RC3H1: variants seen among roughly 807,000 people sequenced by gnomAD.
The protein encoded by RC3H1 is ring finger and CCCH-type domains 1.
In RC3H1, 50 loss-of-function variants were observed where a neutral mutation model predicts 138.2. The ratio of observed to expected loss-of-function variants is 0.36; its 90% CI spans 0.29 to 0.46. The LOEUF (loss-of-function observed/expected upper bound fraction) is 0.46. Ranked by LOEUF, RC3H1 falls within the 20% of genes least tolerant of loss-of-function variation. The pLI is 1.00. For missense variants in RC3H1, 1,031 were observed against 1,388.1 expected (o/e 0.74, Z 4.09); for synonymous variants, 462 against 489.1 (o/e 0.94, Z 0.73).
chr1:173,997,939 T>C (rs1661495227), intron 1 of RC3H1, among the ~76,000 whole-genome samples: 1 of 152,142 alleles, frequency 6.6e-6, no homozygotes, highest in Non-Finnish European at 1.5e-5. Context: ...TCTAAACGCA[T>C]TCTTCCAAAC....
intron 11 of RC3H1, 152 bp from the exon 12 acceptor site, chr1:173,962,247 C>T: frequency 1.2e-6 from 1 of 813,690 alleles, no homozygotes; most frequent in Admixed American, 3.0e-5. Flanking sequence ...ATCAGGTTAG[C>T]TTTTTAAAAA....
At chr1:173,990,135 T>A (rs1343071817) in intron 2 of RC3H1, among the ~76,000 whole-genome samples, 1 of 151,702 alleles carries the variant, frequency 6.6e-6, no homozygotes, top group Non-Finnish European at 1.5e-5. Flanking sequence ...TGGAGTGCAG[T>A]GGTGTGATTT....
rs536949427 is a variant in RC3H1, at chr1:173,936,400, G to C, written c.*2321C>G. The C allele has an allele frequency of 2.0e-5, 3 of 150,528 alleles. No homozygotes were observed. The highest frequency in any genetic ancestry group is 2.1e-4 in the South Asian group (1 of 4,744). The allele number at this position is 150,528 out of a possible 1,614,324, so 9.3% of individuals were successfully genotyped here. A position where few individuals can be genotyped will look rare whatever the true frequency, so the allele number is the denominator to read the frequency against. On this transcript the variant is annotated 3_prime_UTR_variant, in exon 20 of 20. Transcript: ENST00000367696. ...GTGGTGGCGCGTGCCTGTAGTCCCA[G>C]CTACTCAGGAGGCTGAGGCAGGAGA...
At chr1:173,999,785 C>G (rs1379176435) in intron 1 of RC3H1, among the ~76,000 whole-genome samples, 1 of 152,198 alleles carries the variant, frequency 6.6e-6, no homozygotes, top group Admixed American at 6.5e-5. Flanking sequence ...GGATATTATA[C>G]TTTCAGTGCT....
chr1:173,972,485 C>CT (rs1186679743), intron 8 of RC3H1, 24 bp downstream of exon 8: 1 of 1,558,358 alleles, frequency 6.4e-7, no homozygotes, highest in Non-Finnish European at 8.9e-7. Context: ...TGGGTTAACT[C>CT]TAAGTTTTAA....
intron 1 of RC3H1, among the ~76,000 whole-genome samples, chr1:174,010,232 T>A (rs1661725437): frequency 6.6e-6 from 1 of 152,166 alleles, no homozygotes; most frequent in African/African-American, 2.4e-5. Context: ...TTACCTCTTG[T>A]ATCTATAATT....
At chr1:173,983,081 A>G (rs1660887178) in intron 4 of RC3H1, 179 bp from the exon 5 acceptor site, 1 of 507,184 alleles carries the variant, frequency 2.0e-6, no homozygotes, top group South Asian at 3.7e-5. Flanking sequence ...TACATTCTAT[A>G]TATTTTATAA....
intron 1 of RC3H1, among the ~76,000 whole-genome samples, chr1:174,003,260 G>T (rs893888632): frequency 1.3e-5 from 2 of 151,948 alleles, no homozygotes. Context: ...GGTGGTGGGC[G>T]CTTGTAATCC....
chr1:173,971,044 T>C (rs1660336938), intron 8 of RC3H1, among the ~76,000 whole-genome samples: 3 of 150,496 alleles, frequency 2.0e-5, no homozygotes, highest in Non-Finnish European at 4.4e-5. Context: ...TCACTGCAAC[T>C]TCCACCTCCC....
intron 18 of RC3H1, 82 bp downstream of exon 18, chr1:173,943,360 G>T (rs188518081): frequency 1.1e-4 from 150 of 1,398,238 alleles, no homozygotes; most frequent in Non-Finnish European, 1.2e-4. Context: ...TTGAAGTGAT[G>T]ATTCTGTGCC....
At chr1:174,011,006 C>T (rs1206058150) in intron 1 of RC3H1, among the ~76,000 whole-genome samples, 1 of 152,052 alleles carries the variant, frequency 6.6e-6, no homozygotes, top group Non-Finnish European at 1.5e-5. Flanking sequence ...TTTATGGATG[C>T]CTTTGTAAGA....
intron 7 of RC3H1, among the ~76,000 whole-genome samples, chr1:173,975,662 G>A (rs1413639681): frequency 1.6e-5 from 1 of 60,664 alleles, no homozygotes; most frequent in Non-Finnish European, 2.6e-5. Context: ...ACTTTGGGAG[G>A]CCGAGGCGGG....
intron 19 of RC3H1, 151 bp downstream of exon 19, chr1:173,941,114 C>T (rs186935884): frequency 3.3e-5 from 20 of 598,732 alleles, no homozygotes; most frequent in Admixed American, 1.9e-4. Context: ...CCACTGCGCC[C>T]GGCCGCAAAA....
At chr1:173,976,923 CTTTT>C (rs542743644) in intron 7 of RC3H1, among the ~76,000 whole-genome samples, 7 of 132,498 alleles carry the variant, frequency 5.3e-5, no homozygotes, top group Admixed American at 3.0e-4. Context: ...GATGTGATTT[CTTTT>C]TTTTTTTTTT....
chr1:173,934,212 A>G lies in RC3H1; in HGVS notation c.*4509T>C, dbSNP rs1395132507. 3 of 152,020 alleles carry G rather than the reference A, an allele frequency of 2.0e-5. No homozygotes were observed. The highest frequency in any genetic ancestry group is 4.4e-5 in the Non-Finnish European group (3 of 67,976). 9.4% of individuals were successfully genotyped at this position (152,020 alleles called of 1,614,324 possible). A position where few individuals can be genotyped will look rare whatever the true frequency, so the allele number is the denominator to read the frequency against. ...TTTACTGAGACGAATCCTTTTTTTTAGTGAAAGTATTTTGTCTTGAATTTT... is the reference window on the plus strand; with the variant it reads ...TTTACTGAGACGAATCCTTTTTTTTGGTGAAAGTATTTTGTCTTGAATTTT... On this transcript the variant is annotated 3_prime_UTR_variant, in exon 20 of 20. Transcript: ENST00000367696.
chr1:173,965,738 A>G (rs1467878364), intron 9 of RC3H1, among the ~76,000 whole-genome samples: 2 of 152,236 alleles, frequency 1.3e-5, no homozygotes, highest in Non-Finnish European at 2.9e-5. Flanking sequence ...ATTTTACTTC[A>G]GCTCTCCCTC....
At chr1:174,021,661 G>A (rs879635429) in intron 1 of RC3H1, among the ~76,000 whole-genome samples, 21 of 152,102 alleles carry the variant, frequency 1.4e-4, no homozygotes, top group Non-Finnish European at 2.4e-4. Flanking sequence ...CTGAGGTGCT[G>A]GGAGGCCGAG....
intron 6 of RC3H1, among the ~76,000 whole-genome samples, chr1:173,980,043 ATT>A (rs1437654916): frequency 8.0e-5 from 11 of 137,004 alleles, no homozygotes; most frequent in Non-Finnish European, 8.0e-5. Flanking sequence ...ACACCTGGCT[ATT>A]TTTTTTTTTT....
chr1:174,006,688 G>A (rs1457572946), intron 1 of RC3H1, among the ~76,000 whole-genome samples: 1 of 152,102 alleles, frequency 6.6e-6, no homozygotes, highest in African/African-American at 2.4e-5. Flanking sequence ...TTTTAAGTAG[G>A]AACTCTGGAA....
Sources: gnomAD v4.1 joint callset for allele counts (sites outside exome capture counted in the v4.1 genomes callset) on GRCh38, gnomAD v4.1.1 for gene constraint, MANE v1.5 for transcripts, NCBI Gene and HGNC (gene_info 2026-07-23, HGNC 2026-07-21) for gene names.